The following NCAM2 variants were observed in gnomAD, a reference collection of about 807,000 sequenced individuals.
The protein encoded by NCAM2 is N-CAM-2.
A neutral mutation model predicts 98.1 loss-of-function variants in NCAM2; 30 were observed. The observed-to-expected ratio is 0.31, with a 90% CI of 0.23 to 0.41. NCAM2 has a LOEUF of 0.41. Ranked by LOEUF, NCAM2 falls within the 10% of genes least tolerant of loss-of-function variation. NCAM2 has a pLI of 1.00. For synonymous variants in NCAM2, 368 were observed against 342.4 expected (o/e 1.07, Z -0.83); for missense variants, 867 against 1,005.8 (o/e 0.86, Z 1.87).
chr21:21,044,040 T>TGC (rs2064961154), intron 1 of NCAM2, among the ~76,000 whole-genome samples: 1 of 151,410 alleles, frequency 6.6e-6, no homozygotes, highest in Non-Finnish European at 1.5e-5. Flanking sequence ...AGACTTTGTG[T>TGC]GTGTGTGTGT....
chr21:21,455,700 C>T (rs576574313), intron 12 of NCAM2, among the ~76,000 whole-genome samples: 2 of 151,872 alleles, frequency 1.3e-5, no homozygotes, highest in East Asian at 3.9e-4. Context: ...ATGTGAAAAT[C>T]TCGGCAAACC....
chr21:21,127,157 A>C (rs2066843743), intron 1 of NCAM2, among the ~76,000 whole-genome samples: 1 of 151,924 alleles, frequency 6.6e-6, no homozygotes, highest in Non-Finnish European at 1.5e-5. Flanking sequence ...ATAATCCTTA[A>C]ATACATTATT....
At chr21:21,411,054 G>GTATATATA (rs766878394) in intron 10 of NCAM2, among the ~76,000 whole-genome samples, 4 of 29,280 alleles carry the variant, frequency 1.4e-4, no homozygotes, top group African/African-American at 7.1e-4. Flanking sequence ...ATATGTGTGT[G>GTATATATA]TATATATATA....
At chr21:21,410,583 A>G (rs1602254546) in intron 10 of NCAM2, 122 bp downstream of exon 10, 2 of 532,924 alleles carry the variant, frequency 3.8e-6, no homozygotes, top group South Asian at 6.0e-5. Context: ...ATCATGGTGT[A>G]TATATTTTAC....
At chr21:21,206,806 A>C (rs1054211697) in intron 1 of NCAM2, among the ~76,000 whole-genome samples, 1 of 152,140 alleles carries the variant, frequency 6.6e-6, no homozygotes, top group Non-Finnish European at 1.5e-5. Context: ...GAATGCATGC[A>C]TGTATTCAAC....
chr21:21,396,713 T>C (rs981613493), intron 9 of NCAM2, among the ~76,000 whole-genome samples: 2 of 152,114 alleles, frequency 1.3e-5, no homozygotes, highest in Non-Finnish European at 2.9e-5. Flanking sequence ...CAGGTGTATC[T>C]CAAGGGGCTT....
chr21:21,395,258 T>C (rs2076477947), intron 9 of NCAM2, among the ~76,000 whole-genome samples: 1 of 151,978 alleles, frequency 6.6e-6, no homozygotes, highest in Non-Finnish European at 1.5e-5. Context: ...CACTTGAACC[T>C]GGGAAGCAGA....
At chr21:21,258,248 A>G (rs1236259487) in intron 1 of NCAM2, among the ~76,000 whole-genome samples, 1 of 152,142 alleles carries the variant, frequency 6.6e-6, no homozygotes, top group Non-Finnish European at 1.5e-5. Flanking sequence ...CATCTGCTGA[A>G]GTTCTAGGGT....
At chr21:21,458,014 C>T (rs1247583636) in intron 12 of NCAM2, among the ~76,000 whole-genome samples, 1 of 152,128 alleles carries the variant, frequency 6.6e-6, no homozygotes, top group Admixed American at 6.5e-5. Context: ...GGAGGAATGT[C>T]CATGAAGCAG....
chr21:21,055,274 A>C (rs2059846051), intron 1 of NCAM2, among the ~76,000 whole-genome samples: 1 of 152,034 alleles, frequency 6.6e-6, no homozygotes, highest in South Asian at 2.1e-4. Flanking sequence ...AAGAATGATT[A>C]AGTGATTATC....
At chr21:21,302,368 A>G (rs2073743849) in intron 5 of NCAM2, among the ~76,000 whole-genome samples, 1 of 152,080 alleles carries the variant, frequency 6.6e-6, no homozygotes, top group Non-Finnish European at 1.5e-5. Context: ...TTTAATGAAT[A>G]GGGAGTTCTT....
intron 5 of NCAM2, among the ~76,000 whole-genome samples, chr21:21,302,954 A>G (rs1400951352): frequency 2.0e-5 from 3 of 152,168 alleles, no homozygotes; most frequent in Non-Finnish European, 2.9e-5. Flanking sequence ...TTGCAGTGAC[A>G]TGGATGAAGC....
At chr21:21,429,140 G>T (rs2077275793) in intron 11 of NCAM2, among the ~76,000 whole-genome samples, 1 of 151,878 alleles carries the variant, frequency 6.6e-6, no homozygotes, top group African/African-American at 2.4e-5. Flanking sequence ...AAAATAATAT[G>T]AAAAAAAGGC....
At chr21:21,255,188 G>C (rs926168912) in intron 1 of NCAM2, among the ~76,000 whole-genome samples, 2 of 152,074 alleles carry the variant, frequency 1.3e-5, no homozygotes, top group Non-Finnish European at 2.9e-5. Context: ...ACTGTCTGTG[G>C]TCTTAGCACT....
At chr21:21,254,900 G>A (rs1601777885) in intron 1 of NCAM2, among the ~76,000 whole-genome samples, 1 of 16,426 alleles carries the variant, frequency 6.1e-5, no homozygotes, top group Non-Finnish European at 9.7e-5. Flanking sequence ...ATAATAGTTT[G>A]TGTGTGTGTG....
intron 1 of NCAM2, among the ~76,000 whole-genome samples, chr21:21,049,546 A>G (rs908794414): frequency 4.6e-5 from 7 of 151,770 alleles, no homozygotes; most frequent in Admixed American, 2.0e-4. Flanking sequence ...AAATGTTACT[A>G]TAAGGAATTT....
At chr21:21,001,312 C>A (rs560876003) in intron 1 of NCAM2, among the ~76,000 whole-genome samples, 8 of 152,182 alleles carry the variant, frequency 5.3e-5, no homozygotes, top group African/African-American at 1.9e-4. Context: ...TTTATTGTAG[C>A]AGAAATACTC....
chr21:21,375,244 A>G (rs1275670409), intron 9 of NCAM2, among the ~76,000 whole-genome samples: 1 of 151,504 alleles, frequency 6.6e-6, no homozygotes, highest in African/African-American at 2.4e-5. Context: ...ACCCACTGAT[A>G]TATTTGTTAA....
intron 1 of NCAM2, among the ~76,000 whole-genome samples, chr21:21,180,693 T>G (rs1005016898): frequency 6.6e-6 from 1 of 152,164 alleles, no homozygotes; most frequent in Non-Finnish European, 1.5e-5. Flanking sequence ...CACTAATTAG[T>G]TTTTGCCTTG....
Sources: gnomAD v4.1 joint callset for allele counts (sites outside exome capture counted in the v4.1 genomes callset) on GRCh38, gnomAD v4.1.1 for gene constraint, MANE v1.5 for transcripts, NCBI Gene and HGNC (gene_info 2026-07-23, HGNC 2026-07-21) for gene names.